Variants in RPS6KA2 observed in about 807,000 individuals in gnomAD.
The protein encoded by RPS6KA2 is ribosomal protein S6 kinase A2, also known as ribosomal protein S6 kinase alpha-2.
A neutral mutation model predicts 91.8 loss-of-function variants in RPS6KA2; 42 were observed. The ratio of observed to expected loss-of-function variants is 0.46; its 90% confidence interval spans 0.36 to 0.59. The LOEUF is 0.59. Among genes scored for constraint, RPS6KA2 ranks in the 20% least tolerant of loss-of-function variants. The probability of loss-of-function intolerance (pLI) is 0.00; values close to 1 mark genes in which losing one functional copy is unlikely to be tolerated. For synonymous variants in RPS6KA2, 414 were observed against 393.6 expected (o/e 1.05, Z -0.61); for missense variants, 798 against 978.5 (o/e 0.82, Z 2.46).
intron 2 of RPS6KA2, among the ~76,000 whole-genome samples, chr6:166,723,708 T>TC (rs1283877014): frequency 2.0e-5 from 3 of 150,446 alleles, no homozygotes; most frequent in African/African-American, 4.9e-5. Flanking sequence ...TCTTTTCTTT[T>TC]TTTTTTTTTT....
intron 2 of RPS6KA2, among the ~76,000 whole-genome samples, chr6:166,842,162 C>T (rs1780499430): frequency 6.6e-6 from 1 of 152,192 alleles, no homozygotes. Context: ...ACCCACAACG[C>T]CAACCGAACG....
chr6:166,560,863 C>T (rs78024037), intron 1 of RPS6KA2, among the ~76,000 whole-genome samples: 2,356 of 152,218 alleles, frequency 0.015, 27 homozygotes, highest in Middle Eastern at 0.031. Flanking sequence ...GAAATGCTAT[C>T]AATGGTCACT....
chr6:166,658,675 C>T (rs138513511), intron 2 of RPS6KA2, among the ~76,000 whole-genome samples: 3 of 152,250 alleles, frequency 2.0e-5, no homozygotes, highest in African/African-American at 2.4e-5. Flanking sequence ...TAAAAACATG[C>T]GGGATGGGAG....
chr6:166,826,480 G>A (rs935598866), intron 2 of RPS6KA2, among the ~76,000 whole-genome samples: 1 of 152,220 alleles, frequency 6.6e-6, no homozygotes, highest in Admixed American at 6.5e-5. Context: ...TGCTTGGTAT[G>A]TGTGCAATTC....
At chr6:166,621,741 C>G (rs1188144847) in intron 1 of RPS6KA2, among the ~76,000 whole-genome samples, 3 of 152,150 alleles carry the variant, frequency 2.0e-5, no homozygotes. Context: ...ACAAAGTAAA[C>G]TCATCCTGGT....
At chr6:166,621,524 C>G (rs974840326) in intron 1 of RPS6KA2, among the ~76,000 whole-genome samples, 2 of 152,152 alleles carry the variant, frequency 1.3e-5, no homozygotes, top group African/African-American at 4.8e-5. Context: ...AATGTAATAG[C>G]TTTTACTAGT....
At chr6:166,779,512 C>G (rs1450333090) in intron 2 of RPS6KA2, among the ~76,000 whole-genome samples, 1 of 152,146 alleles carries the variant, frequency 6.6e-6, no homozygotes, top group Non-Finnish European at 1.5e-5. Flanking sequence ...TGACCCCAAC[C>G]CTTGGCTGGT....
chr6:166,451,193 C>G lies in RPS6KA2; in HGVS notation c.1116G>C (p.Leu372=), dbSNP rs753642764. The G allele has an allele frequency of 2.5e-6, 4 of 1,614,098 alleles. No individual in the cohort carries two copies. The highest frequency in any genetic ancestry group is 3.3e-5 in the Admixed American group (2 of 60,020). ...GVPPSANAHH[L]FRGFSFVASS... ...AGGCCACAAAGCTGAATCCTCTAAA[C>G]AGGTGATGAGCGTTTGCACTCGGGG... Residue 372 remains leucine (L), a synonymous_variant, in exon 13 of 21, where the codon CTG becomes CTC. Coordinates refer to ENST00000265678, the MANE Select transcript of RPS6KA2 (RefSeq NM_021135.6).
chr6:166,648,051 C>T lies in RPS6KA2; in HGVS notation c.124-109267G>A, dbSNP rs572175224. On this transcript the variant is annotated intron_variant, in intron 2 of 21. Coordinates refer to the RPS6KA2 transcript ENST00000503859. The surrounding 1 kb of genome is among the most constrained non-coding windows in gnomAD (Gnocchi z 4.8). ...ATACACACATGCTCTCACACACATG[C>T]ACATGCTCACACACATGCACACGCA... Among the ~76,000 whole-genome samples the T allele has an allele frequency of 9.3e-5, 14 of 151,266 alleles. No homozygotes were observed. Among genetic ancestry groups the T allele is most frequent in the Non-Finnish European group, 2.1e-4 (14 of 67,890 alleles).
chr6:166,661,479 T>G (rs1176744565), intron 2 of RPS6KA2, among the ~76,000 whole-genome samples: 2 of 152,238 alleles, frequency 1.3e-5, no homozygotes, highest in Non-Finnish European at 2.9e-5. Flanking sequence ...TTGTATTATT[T>G]TTCTATTTGT....
chr6:166,857,937 G>A (rs954295891), intron 2 of RPS6KA2, among the ~76,000 whole-genome samples: 1 of 152,204 alleles, frequency 6.6e-6, no homozygotes, highest in Non-Finnish European at 1.5e-5. Flanking sequence ...CCCATGCCAG[G>A]AGACCATGAA....
At chr6:166,731,716 C>T (rs1380140193) in intron 2 of RPS6KA2, among the ~76,000 whole-genome samples, 1 of 147,842 alleles carries the variant, frequency 6.8e-6, no homozygotes, top group Non-Finnish European at 1.5e-5. Context: ...AGGTTAGCCG[C>T]AATGCTTCTG....
At position 166,412,633 on chromosome 6, in the gene RPS6KA2, C is replaced by T; in HGVS notation, c.*129G>A. The stretch of plus-strand genomic sequence containing the variant: ...CCGGGGCTGAAAAAGAAAACACGGA[C>T]ACGGCGAGGGCGGGCGCCGCCTCCC... On this transcript the variant is annotated 3_prime_UTR_variant, in exon 21 of 21. Coordinates refer to ENST00000265678, the MANE Select transcript of RPS6KA2 (RefSeq NM_021135.6). This position sits in a 1 kb window ranked among gnomAD's most constrained non-coding sequence, Gnocchi z 4.3. 1.1e-6 allele frequency: 1 copy of T among 927,916 alleles called. No homozygotes were observed. Among genetic ancestry groups the T allele is most frequent in the Non-Finnish European group, 1.5e-6 (1 of 646,118 alleles). 57.5% of individuals were successfully genotyped at this position (927,916 alleles called of 1,614,324 possible).
intron 10 of RPS6KA2, chr6:166,475,748 G>C (rs1780948548): frequency 1.9e-6 from 1 of 529,818 alleles, no homozygotes; most frequent in Admixed American, 2.0e-5. Flanking sequence ...TTTATCTTCA[G>C]GGGATGTGGA....
intron 1 of RPS6KA2, among the ~76,000 whole-genome samples, chr6:166,539,468 G>A (rs1783586096): frequency 6.6e-6 from 1 of 152,230 alleles, no homozygotes; most frequent in South Asian, 2.1e-4. Flanking sequence ...AGATGGAGAA[G>A]TGGTCTGGAA....
At chr6:166,766,819 G>A (rs938934279) in intron 2 of RPS6KA2, among the ~76,000 whole-genome samples, 2 of 152,228 alleles carry the variant, frequency 1.3e-5, no homozygotes, top group African/African-American at 4.8e-5. Flanking sequence ...AAGCACAGAG[G>A]TTGCGAGGTG....
In RPS6KA2 at chr6:166,824,194, T is replaced by C. The variant is rs375201662; in HGVS notation, c.123+34006A>G. On this transcript the variant is annotated intron_variant, in intron 2 of 21. Transcript: ENST00000503859. ...GAAACTCCTGCACATGTACCCGAGG[T>C]GTCATGTATAAGGACGTCATAGCAA... Among the ~76,000 whole-genome samples the C allele has an allele frequency of 3.3e-5, 5 of 151,988 alleles. No homozygotes were observed. In the East Asian group the frequency reaches 5.8e-4, roughly 18 times the overall value.
At chr6:166,605,482 A>G (rs1233022805) in intron 1 of RPS6KA2, among the ~76,000 whole-genome samples, 5 of 152,246 alleles carry the variant, frequency 3.3e-5, no homozygotes, top group African/African-American at 9.6e-5. Context: ...ATTGATATCT[A>G]TAAGTCTCTA....
Position 166,411,530 on chromosome 6 carries a change from A to C in RPS6KA2, c.*1232T>G, listed in dbSNP as rs1443844557. On this transcript the variant is annotated 3_prime_UTR_variant, in exon 21 of 21. Coordinates refer to ENST00000265678, the MANE Select transcript of RPS6KA2 (RefSeq NM_021135.6). The surrounding 1 kb of genome is among the most constrained non-coding windows in gnomAD (Gnocchi z 4.5). ...CGGAACCTCTCACTCGATTTTACTCAATGAAGTAGAGCACAGCATGGCCTA... is the reference window on the plus strand; with the variant it reads ...CGGAACCTCTCACTCGATTTTACTCCATGAAGTAGAGCACAGCATGGCCTA... 1 of 152,352 alleles carries C rather than the reference A, an allele frequency of 6.6e-6. No homozygotes were observed. The highest frequency in any genetic ancestry group is 6.5e-5 in the Admixed American group (1 of 15,270). The allele number at this position is 152,352 out of a possible 1,614,324, so 9.4% of individuals were successfully genotyped here. A position where few individuals can be genotyped will look rare whatever the true frequency, so the allele number is the denominator to read the frequency against.
Sources: allele counts gnomAD v4.1 joint callset (sites outside exome capture counted in the v4.1 genomes callset), GRCh38; gene constraint gnomAD v4.1.1; non-coding constraint Gnocchi (gnomAD v3.1); transcripts MANE v1.5; gene names NCBI Gene and HGNC (gene_info 2026-07-23, HGNC 2026-07-21).